The following FMN2 variants were observed in gnomAD, a reference collection of about 807,000 sequenced individuals.
FMN2 encodes formin 2.
In FMN2, 51 loss-of-function variants were observed where a neutral mutation model predicts 142.3. That is an observed-to-expected ratio of 0.36 (90% CI 0.29 to 0.45). The LOEUF (loss-of-function observed/expected upper bound fraction) is 0.45, where lower values mean the gene tolerates loss of function less well. FMN2 is among the 20% of genes least tolerant of loss of function. The pLI is 1.00. For synonymous variants in FMN2, 882 were observed against 869.8 expected (o/e 1.01, Z -0.25); for missense variants, 1,936 against 2,122.8 (o/e 0.91, Z 1.73).
chr1:240,162,177 C>T (rs1171013558), intron 2 of FMN2, among the ~76,000 whole-genome samples: 1 of 150,234 alleles, frequency 6.7e-6, no homozygotes, highest in Non-Finnish European at 1.5e-5. Context: ...ATGAAGAAAG[C>T]AAAAGCAGCT....
At chr1:240,121,690 A>G (rs1571949048) in intron 1 of FMN2, among the ~76,000 whole-genome samples, 2 of 125,492 alleles carry the variant, frequency 1.6e-5, no homozygotes, top group South Asian at 5.4e-4. Flanking sequence ...CGCCTGGCCC[A>G]GTGTCTTCTT....
chr1:240,160,095 C>G (rs1389664359), intron 2 of FMN2, among the ~76,000 whole-genome samples: 1 of 150,394 alleles, frequency 6.6e-6, no homozygotes, highest in Non-Finnish European at 1.5e-5. Context: ...CCTCTGGACT[C>G]AGGTAGTTTC....
intron 8 of FMN2, among the ~76,000 whole-genome samples, chr1:240,311,077 TAGAA>T (rs1670589676): frequency 6.6e-6 from 1 of 151,820 alleles, no homozygotes; most frequent in Non-Finnish European, 1.5e-5. Flanking sequence ...CTAATCCAAT[TAGAA>T]GGAAGAAAAA....
intron 7 of FMN2, among the ~76,000 whole-genome samples, chr1:240,265,199 C>T (rs1335641412): frequency 6.6e-6 from 1 of 152,164 alleles, no homozygotes; most frequent in East Asian, 1.9e-4. Flanking sequence ...TATCAGACTT[C>T]ATTTATTATG....
chr1:240,238,491 T>C (rs1320145417), intron 6 of FMN2, among the ~76,000 whole-genome samples: 1 of 152,218 alleles, frequency 6.6e-6, no homozygotes, highest in African/African-American at 2.4e-5. Context: ...ATAATGACTT[T>C]TCAAGATATT....
chr1:240,256,879 T>C (rs1182260363), intron 6 of FMN2, among the ~76,000 whole-genome samples: 2 of 152,218 alleles, frequency 1.3e-5, no homozygotes, highest in Non-Finnish European at 2.9e-5. Context: ...ATTATTGCTA[T>C]TAAGAATATT....
intron 14 of FMN2, among the ~76,000 whole-genome samples, chr1:240,372,073 T>C (rs1672887331): frequency 6.6e-6 from 1 of 151,774 alleles, no homozygotes; most frequent in Admixed American, 6.6e-5. Context: ...CCGTCTGTAT[T>C]AAAAATACAA....
intron 4 of FMN2, among the ~76,000 whole-genome samples, chr1:240,194,071 G>GT (rs1011124906): frequency 6.6e-6 from 1 of 151,216 alleles, no homozygotes; most frequent in African/African-American, 2.4e-5. Flanking sequence ...TGTTGTTGTT[G>GT]TTTTTTTAAT....
chr1:240,392,310 A>T (rs1673630359), intron 14 of FMN2, among the ~76,000 whole-genome samples: 1 of 152,158 alleles, frequency 6.6e-6, no homozygotes. Context: ...GTGTCAATAT[A>T]ATAAGATCAA....
Position 240,133,344 on chromosome 1 carries a change from T to A in FMN2, c.1782+9999T>A, listed in dbSNP as rs182223032. ...ACCATGACCAGCTAATTAAAAAAAA[T>A]TTTTTTAATAGAGGTGGGGTCTCCT... On this transcript the variant is annotated intron_variant, in intron 2 of 17. Coordinates refer to ENST00000319653, the MANE Select transcript of FMN2 (RefSeq NM_020066.5). Among the ~76,000 whole-genome samples the A allele has an allele frequency of 1.5e-3, 225 of 152,082 alleles. 4 individuals are homozygous for A. Among genetic ancestry groups the A allele is most frequent in the African/African-American group, 4.7e-3 (193 of 41,466 alleles).
intron 13 of FMN2, among the ~76,000 whole-genome samples, chr1:240,341,818 G>T (rs949969649): frequency 6.6e-6 from 1 of 152,202 alleles, no homozygotes; most frequent in Non-Finnish European, 1.5e-5. Context: ...TGTAGATCCA[G>T]TCTCCACACT....
Position 240,206,807 on chromosome 1 carries a change from T to G in FMN2, c.1995T>G (p.Val665=). The change falls in exon 5 of 18, where the codon GTT becomes GTG. Residue 665 remains valine, a synonymous_variant. Transcript: ENST00000319653. ...TCCTTGTCGCCCTTCAGGAAGTTGT[T>G]GACATGAAGTCTGAGGGACAGGCCA... The part of the protein sequence containing the change: ...KRSDAVQKEV[V]DMKSEGQATV... The G allele has an allele frequency of 6.2e-7, 1 of 1,604,532 alleles. No individual in the cohort carries two copies. The highest frequency in any genetic ancestry group is 8.5e-7 in the Non-Finnish European group (1 of 1,172,222).
chr1:240,166,789 C>G (rs571093976), intron 2 of FMN2, among the ~76,000 whole-genome samples: 1 of 152,174 alleles, frequency 6.6e-6, no homozygotes, highest in African/African-American at 2.4e-5. Flanking sequence ...TATATTCTCC[C>G]CTTAGAGAAG....
chr1:240,170,267 G>T, intron 2 of FMN2: 1 of 1,189,488 alleles, frequency 8.4e-7, no homozygotes, highest in South Asian at 1.2e-5. Flanking sequence ...CTAAAGGCTC[G>T]TGAAGTTTGA....
At chr1:240,286,251 C>T (rs1258042161) in intron 7 of FMN2, among the ~76,000 whole-genome samples, 1 of 152,134 alleles carries the variant, frequency 6.6e-6, no homozygotes, top group Admixed American at 6.6e-5. Flanking sequence ...ACATGCAGTA[C>T]TCCACATGGT....
chr1:240,228,714 A>G (rs976669161), intron 6 of FMN2, among the ~76,000 whole-genome samples: 15 of 152,172 alleles, frequency 9.9e-5, no homozygotes, highest in South Asian at 2.1e-4. Flanking sequence ...CTTGTTACCC[A>G]TAGAATGATC....
chr1:240,271,098 GTTTTT>G (rs56686860), intron 7 of FMN2, among the ~76,000 whole-genome samples: 1 of 72,244 alleles, frequency 1.4e-5, no homozygotes, highest in Non-Finnish European at 2.5e-5. Flanking sequence ...TTCCACGATG[GTTTTT>G]TTTTTTTTTT....
At chr1:240,118,268 G>T (rs903113267) in intron 1 of FMN2, among the ~76,000 whole-genome samples, 1 of 152,162 alleles carries the variant, frequency 6.6e-6, no homozygotes, top group African/African-American at 2.4e-5. Flanking sequence ...TTATTAGAGA[G>T]TAAGTACGTT....
chr1:240,436,304 A>T (rs1358889078), intron 15 of FMN2, among the ~76,000 whole-genome samples: 3 of 152,196 alleles, frequency 2.0e-5, no homozygotes, highest in Non-Finnish European at 4.4e-5. Context: ...CACACATTTG[A>T]TTAAATCAGT....
Sources: gnomAD v4.1 joint callset for allele counts (sites outside exome capture counted in the v4.1 genomes callset) on GRCh38, gnomAD v4.1.1 for gene constraint, MANE v1.5 for transcripts, NCBI Gene and HGNC (gene_info 2026-07-23, HGNC 2026-07-21) for gene names.